The following CFAP74 variants were observed in gnomAD, a reference collection of about 807,000 sequenced individuals.
The protein encoded by CFAP74 is cilia and flagella associated protein 74, also known as cilia- and flagella-associated protein 74.
In CFAP74, 124 loss-of-function variants were observed where a neutral mutation model predicts 188.9. The observed-to-expected ratio is 0.66, with a 90% confidence interval of 0.57 to 0.76. CFAP74 has a LOEUF of 0.76. CFAP74 is among the 30% of genes least tolerant of loss of function. The pLI is 0.00. For missense variants in CFAP74, 2,198 were observed against 2,165.2 expected, an observed-to-expected ratio of 1.02 and a Z score of -0.30; for synonymous variants, 956 against 916.7, an observed-to-expected ratio of 1.04 and a Z score of -0.77.
intron 9 of CFAP74, among the ~76,000 whole-genome samples, chr1:1,971,250 C>T (rs1656017475): frequency 6.7e-6 from 1 of 149,676 alleles, no homozygotes; most frequent in Non-Finnish European, 1.5e-5. Context: ...CATGCACACA[C>T]TCACGCATGC....
chr1:1,965,256 C>T (rs1655393274), intron 12 of CFAP74, among the ~76,000 whole-genome samples, 195 bp from the exon 13 acceptor site: 2 of 152,168 alleles, frequency 1.3e-5, no homozygotes, highest in African/African-American at 2.4e-5. Context: ...CCCTGGGGAC[C>T]GACTGACTTT....
intron 20 of CFAP74, 119 bp downstream of exon 20, chr1:1,946,198 C>T (rs1208991371): frequency 7.1e-6 from 9 of 1,275,156 alleles, no homozygotes; most frequent in Non-Finnish European, 9.5e-6. Context: ...CCATCCGTGC[C>T]ACCAACTGGC....
rs866405687 is a variant in CFAP74 at position 1,979,678 on chromosome 1, T to C, written c.501-5480A>G. 1.4e-3 allele frequency among the ~76,000 whole-genome samples: 123 copies of C among 88,274 alleles called. 6 individuals are homozygous for C. Among genetic ancestry groups the C allele is most frequent in the African/African-American group, 3.1e-3 (72 of 23,058 alleles). 57.9% of individuals were successfully genotyped at this position (88,274 alleles called of 152,430 possible). A position where few individuals can be genotyped will look rare whatever the true frequency, so the allele number is the denominator to read the frequency against. ...TCGTGCTGAGCTGGGCGTGGGAAGG[T>C]GTCGCGTGACGAGGCTGCGCAGAAC... On this transcript the variant is annotated intron_variant, in intron 6 of 38. Coordinates refer to ENST00000682832, the MANE Select transcript of CFAP74 (RefSeq NM_001304360.2).
In CFAP74 at chr1:1,939,626, GC is replaced by G; in HGVS notation, c.2844del (p.Gln950ArgfsTer33). ...TEISLHNHSL[L>X]PQEFGFVRLP... ...AGCCTGACGAACCCGAACTCCTGGG[GC>G]AGGAGCGAGTGGTTGTGGAGGCTGA... is the stretch of plus-strand genomic sequence containing the variant. On this transcript the variant is annotated frameshift_variant, in exon 24 of 39. Coordinates refer to ENST00000682832, the MANE Select transcript of CFAP74 (RefSeq NM_001304360.2). LOFTEE classifies it high-confidence loss of function. 1 of 1,536,076 alleles carries G rather than the reference GC, an allele frequency of 6.5e-7. No individual in the cohort carries two copies. Among genetic ancestry groups the G allele is most frequent in the African/African-American group, 1.4e-5 (1 of 73,146 alleles).
intron 8 of CFAP74, 120 bp downstream of exon 8, chr1:1,972,816 TG>T: frequency 1.3e-6 from 1 of 754,658 alleles, no homozygotes; most frequent in African/African-American, 1.8e-5. Context: ...CACCCCAGCC[TG>T]GGCGACAGAG....
chr1:1,987,155 C>T lies in CFAP74; in HGVS notation c.297-120G>A, dbSNP rs1053721610. 12 of 744,902 alleles carry T rather than the reference C, an allele frequency of 1.6e-5. No individual in the cohort carries two copies. In the African/African-American group the frequency reaches 1.9e-4, roughly 12 times the overall value. The allele number at this position is 744,902 out of a possible 1,614,324, so 46.1% of individuals were successfully genotyped here. A position where few individuals can be genotyped will look rare whatever the true frequency, so the allele number is the denominator to read the frequency against. On this transcript the variant is annotated intron_variant, in intron 4 of 38. Transcript: ENST00000682832. Reference sequence around the variant, plus strand: ...CCAGACCCCCAGAGCCCCCCTCACCCGGGCCAGGGGTCTCTCTAACACCTT... The same window carrying T: ...CCAGACCCCCAGAGCCCCCCTCACCTGGGCCAGGGGTCTCTCTAACACCTT...
chr1:1,942,086 T>C lies in CFAP74; in HGVS notation c.2557A>G (p.Lys853Glu), dbSNP rs2803327. The part of the protein sequence containing the change: ...ELRAHLELLP[K>E]TGYIQAQSSY... ...GACTGTGCCTGGATATAGCCTGTCT[T>C]GGGCAGGAGCTCCAGGTGGGCCCTC... is the stretch of plus-strand genomic sequence containing the variant. Residue 853 changes from lysine to glutamate, a missense_variant, in exon 22 of 39, where the codon AAG (lysine) becomes GAG (glutamate). By Grantham distance (56) the Lys-to-Glu change is moderately conservative. Coordinates refer to ENST00000682832, the MANE Select transcript of CFAP74 (RefSeq NM_001304360.2). The surrounding 1 kb of genome is among the most constrained non-coding windows in gnomAD (Gnocchi z 4.3). The C allele has an allele frequency of 0.55, 828,196 of 1,518,156 alleles. 229,304 individuals are homozygous for C. Among genetic ancestry groups the C allele is most frequent in the Admixed American group, 0.64 (31,351 of 49,112 alleles). The allele number at this position is 1,518,156 out of a possible 1,614,324, so 94.0% of individuals were successfully genotyped here. A position where few individuals can be genotyped will look rare whatever the true frequency, so the allele number is the denominator to read the frequency against.
chr1:1,962,201 T>G (rs1005554053), intron 14 of CFAP74, among the ~76,000 whole-genome samples: 4 of 152,170 alleles, frequency 2.6e-5, no homozygotes, highest in Admixed American at 2.0e-4. Context: ...GGCTGGGTGC[T>G]GTGGCTCACG....
intron 6 of CFAP74, among the ~76,000 whole-genome samples, chr1:1,974,977 G>T (rs774584156): frequency 1.3e-5 from 2 of 152,358 alleles, no homozygotes; most frequent in South Asian, 4.1e-4. Flanking sequence ...TGGAGACTGC[G>T]AACGGTTCCA....
chr1:1,956,643 C>T lies in CFAP74; in HGVS notation c.1993G>A (p.Asp665Asn), dbSNP rs762637472. The T allele has an allele frequency of 9.9e-6, 16 of 1,614,076 alleles. No homozygotes were observed. The highest frequency in any genetic ancestry group is 6.6e-5 in the South Asian group (6 of 91,088). The change falls in exon 17 of 39, where the codon GAC (aspartate) becomes AAC (asparagine). Residue 665 changes from aspartate to asparagine, a missense_variant. Asp to Asn is a conservative substitution (Grantham distance 23, BLOSUM62 1). Coordinates refer to ENST00000682832, the MANE Select transcript of CFAP74 (RefSeq NM_001304360.2). ...LPASEPCEMDDSQSALKLSSL... is the reference protein window; with the variant it reads ...LPASEPCEMDNSQSALKLSSL... ...ACTAATTTCAGGGCAGACTGGGAGT[C>T]GTCCATCTCACAGGGCTCTGAAGCT...
intron 2 of CFAP74, 29 bp from the exon 3 acceptor site, chr1:1,989,002 A>G: frequency 8.6e-7 from 1 of 1,167,064 alleles, no homozygotes; most frequent in Admixed American, 2.1e-5. Context: ...GTTTAAAAAA[A>G]AAAAAAAGCA....
rs113160895 is a variant in CFAP74 at position 1,960,047 on chromosome 1, A to G, written c.1695-17T>C. 23,093 of 1,593,558 alleles carry G rather than the reference A, an allele frequency of 0.014. 2,820 individuals are homozygous for G. In the African/African-American group the frequency reaches 0.27, roughly 19 times the overall value. ...GGGTCAAAGCTGCAGGACGTGACCC[A>G]TAGCACACGGGGGTTAGTGCTGCGG... is the stretch of plus-strand genomic sequence containing the variant. On this transcript the variant is annotated splice_polypyrimidine_tract_variant and intron_variant, in intron 14 of 38. Transcript: ENST00000682832.
Position 1,974,112 on chromosome 1 carries a change from C to A in CFAP74, c.587G>T (p.Arg196Leu). ...CTCGGCTGCGCGCACCTGGAGCCGC[C>A]GCCCCGTGGCCTCCACCTCCTCACG... ...ADREEVEATG[R>L]RLQVRAAEQL... The change falls in exon 7 of 39, where the codon CGG becomes CTG. Residue 196 changes from arginine (R) to leucine (L), a missense_variant. By Grantham distance (102) the Arg-to-Leu change is moderately radical. Coordinates refer to ENST00000682832, the MANE Select transcript of CFAP74 (RefSeq NM_001304360.2). The A allele has an allele frequency of 6.2e-7, 1 of 1,612,472 alleles. No homozygotes were observed. The highest frequency in any genetic ancestry group is 8.5e-7 in the Non-Finnish European group (1 of 1,179,214).
At chr1:1,991,664 T>C (rs1025358539) in intron 1 of CFAP74, among the ~76,000 whole-genome samples, 1 of 151,992 alleles carries the variant, frequency 6.6e-6, no homozygotes, top group Non-Finnish European at 1.5e-5. Flanking sequence ...ATGGCCAATA[T>C]GCATGTGAAA....
In CFAP74 at chr1:1,946,391, C is replaced by A. The variant is rs779493285; in HGVS notation, c.2290G>T (p.Val764Phe). The A allele has an allele frequency of 6.5e-7, 1 of 1,536,968 alleles. No homozygotes were observed. The highest frequency in any genetic ancestry group is 8.7e-7 in the Non-Finnish European group (1 of 1,146,884). Residue 764 changes from valine (V) to phenylalanine (F), a missense_variant, in exon 20 of 39, where the codon GTC becomes TTC. By Grantham distance (50) the Val-to-Phe change is conservative. Coordinates refer to ENST00000682832, the MANE Select transcript of CFAP74 (RefSeq NM_001304360.2). ...GPFSSIKVPI[V>F]FTPVVPGDVQ... ...TCGCCTGGGACGACCGGAGTGAAGA[C>A]GATGGGCACCTTGATGGAGCTGAAG...
At chr1:2,002,365 A>G (rs1658248933) in intron 1 of CFAP74, among the ~76,000 whole-genome samples, 1 of 151,300 alleles carries the variant, frequency 6.6e-6, no homozygotes, top group Non-Finnish European at 1.5e-5. Flanking sequence ...TTATATAAAT[A>G]AATTTATATA....
At chr1:1,946,473 G>T (rs369078817) in intron 19 of CFAP74, 34 bp from the exon 20 acceptor site, 118 of 1,501,640 alleles carry the variant, frequency 7.9e-5, no homozygotes, top group Non-Finnish European at 9.5e-5. Flanking sequence ...GGTCTGCCAG[G>T]CTTCATGGCT....
intron 25 of CFAP74, 118 bp from the exon 26 acceptor site, chr1:1,930,454 C>A: frequency 1.0e-6 from 1 of 988,532 alleles, no homozygotes; most frequent in Admixed American, 3.0e-5. Flanking sequence ...GGGACATGCA[C>A]GTTCCTGCTG....
intron 9 of CFAP74, 118 bp from the exon 10 acceptor site, chr1:1,970,934 C>T: frequency 8.3e-7 from 1 of 1,203,978 alleles, no homozygotes; most frequent in Non-Finnish European, 1.2e-6. Flanking sequence ...CACGTGCACA[C>T]ACACATGCAC....
Sources: gnomAD v4.1 joint callset for allele counts (sites outside exome capture counted in the v4.1 genomes callset) on GRCh38, gnomAD v4.1.1 for gene constraint, Gnocchi (gnomAD v3.1) non-coding constraint, MANE v1.5 for transcripts, NCBI Gene and HGNC (gene_info 2026-07-23, HGNC 2026-07-21) for gene names.